PCNX1: variants seen among roughly 807,000 people sequenced by gnomAD.
PCNX1 encodes pecanex 1.
PCNX1 carries 78 observed loss-of-function variants against 242.2 expected under a neutral mutation model. That is an observed-to-expected ratio of 0.32 (90% confidence interval 0.27 to 0.39). PCNX1 has a LOEUF of 0.39. Ranked by LOEUF, PCNX1 falls within the 10% of genes least tolerant of loss-of-function variation. The pLI is 1.00. For missense variants in PCNX1, 2,581 were observed against 2,856.5 expected (o/e 0.90, Z 2.20); for synonymous variants, 1,024 against 1,032.9 (o/e 0.99, Z 0.17).
In PCNX1 at chr14:71,011,525, A is replaced by G; in HGVS notation, c.2754A>G (p.Ser918=). The part of the protein sequence containing the change: ...DTDSHVSSST[S]VRFYPHDVLS... ...ATTCTCATGTATCCAGTTCTACCTC[A>G]GTTCGATTTTATCCACATGATGTGG... The change falls in exon 10 of 36, where the codon TCA becomes TCG. Residue 918 remains serine, a synonymous_variant. Coordinates refer to ENST00000304743, the MANE Select transcript of PCNX1 (RefSeq NM_014982.3). 1 of 1,571,670 alleles carries G rather than the reference A, an allele frequency of 6.4e-7. No individual in the cohort carries two copies. Among genetic ancestry groups the G allele is most frequent in the Non-Finnish European group, 8.7e-7 (1 of 1,143,608 alleles).
intron 1 of PCNX1, among the ~76,000 whole-genome samples, chr14:70,946,118 A>G (rs1462328660): frequency 6.6e-6 from 1 of 152,134 alleles, no homozygotes. Context: ...TGGCTGACTT[A>G]TTTTATTTAA....
At chr14:71,084,166 T>A (rs765233157) in intron 28 of PCNX1, among the ~76,000 whole-genome samples, 2 of 152,208 alleles carry the variant, frequency 1.3e-5, no homozygotes, top group Non-Finnish European at 2.9e-5. Context: ...TGCCTGGGTA[T>A]CACCAGTGGA....
intron 22 of PCNX1, 96 bp from the exon 23 acceptor site, chr14:71,050,556 C>T: frequency 1.8e-6 from 2 of 1,095,530 alleles, no homozygotes; most frequent in Non-Finnish European, 2.5e-6. Flanking sequence ...ATTAGGAGAA[C>T]TTCTCCTAAT....
chr14:70,946,296 A>G (rs536631699), intron 1 of PCNX1, among the ~76,000 whole-genome samples: 5 of 152,348 alleles, frequency 3.3e-5, no homozygotes, highest in African/African-American at 7.2e-5. Context: ...CATTCTCATG[A>G]CAGTTTTAAC....
At chr14:71,070,748 T>TA (rs1357407554) in intron 26 of PCNX1, among the ~76,000 whole-genome samples, 3 of 152,196 alleles carry the variant, frequency 2.0e-5, no homozygotes, top group African/African-American at 7.2e-5. Flanking sequence ...GCATAATTCT[T>TA]AAAGGTTCTA....
At chr14:70,994,431 GTA>G (rs2059283518) in intron 7 of PCNX1, among the ~76,000 whole-genome samples, 1 of 66,568 alleles carries the variant, frequency 1.5e-5, no homozygotes, top group Non-Finnish European at 3.3e-5. Context: ...ATATATATAT[GTA>G]TGTATGTATG....
At position 71,076,112 on chromosome 14, in the gene PCNX1, T is replaced by C; in HGVS notation, c.5107-77T>C. 4 of 869,560 alleles carry C rather than the reference T, an allele frequency of 4.6e-6. No individual in the cohort carries two copies. The East Asian group carries it at 1.0e-4, about 22-fold the overall frequency. 53.9% of individuals were successfully genotyped at this position (869,560 alleles called of 1,614,324 possible). ...TTTATCATTATAAATAATTGGAATTTATTTCATTGAGTAATCTGAGTTAAT... is the reference window on the plus strand; with the variant it reads ...TTTATCATTATAAATAATTGGAATTCATTTCATTGAGTAATCTGAGTTAAT... On this transcript the variant is annotated intron_variant, in intron 27 of 35. Coordinates refer to ENST00000304743, the MANE Select transcript of PCNX1 (RefSeq NM_014982.3).
intron 1 of PCNX1, among the ~76,000 whole-genome samples, chr14:70,945,673 CT>C (rs201576782): frequency 7.0e-4 from 102 of 146,068 alleles, no homozygotes; most frequent in East Asian, 1.2e-3. Context: ...TTGAGGTTAA[CT>C]TTTTTTTTTT....
chr14:70,984,052 T>C (rs2140194930), intron 6 of PCNX1, among the ~76,000 whole-genome samples: 1 of 151,600 alleles, frequency 6.6e-6, no homozygotes, highest in East Asian at 1.9e-4. Flanking sequence ...TTCAGAATGT[T>C]TGCAGATGCC....
At chr14:70,922,579 T>C (rs185807526) in intron 1 of PCNX1, among the ~76,000 whole-genome samples, 92 of 152,222 alleles carry the variant, frequency 6.0e-4, no homozygotes, top group Admixed American at 4.8e-3. Context: ...TTCCTCTTGG[T>C]AGTGTATATA....
chr14:71,007,399 T>C (rs146942113), intron 8 of PCNX1, among the ~76,000 whole-genome samples: 1 of 152,192 alleles, frequency 6.6e-6, no homozygotes, highest in East Asian at 1.9e-4. Flanking sequence ...AGAACAGAAC[T>C]TATATATTAA....
At chr14:70,985,924 CTATT>C (rs1177738304) in intron 6 of PCNX1, among the ~76,000 whole-genome samples, 1 of 151,212 alleles carries the variant, frequency 6.6e-6, no homozygotes, top group Non-Finnish European at 1.5e-5. Flanking sequence ...TTTTGGTTCA[CTATT>C]TTTCTTCTAT....
chr14:71,041,751 T>A (rs1392386004), intron 19 of PCNX1, among the ~76,000 whole-genome samples: 1 of 151,838 alleles, frequency 6.6e-6, no homozygotes, highest in Non-Finnish European at 1.5e-5. Context: ...TTTGAACTCT[T>A]TCTACTTTTT....
In PCNX1 at chr14:70,947,068, A is replaced by G. The variant is rs1046904226; in HGVS notation, c.307A>G (p.Thr103Ala). ...TGCAAATGAGTTCACGGATCAGCGAACCAAAGCTGAACAAGGCAACTGTTC... is the reference window on the plus strand; with the variant it reads ...TGCAAATGAGTTCACGGATCAGCGAGCCAAAGCTGAACAAGGCAACTGTTC... ...RTANEFTDQR[T>A]KAEQGNCSTR... The change falls in exon 2 of 36, where the codon ACC (threonine) becomes GCC (alanine). Residue 103 changes from threonine (T) to alanine (A), a missense_variant. Transcript: ENST00000304743. The G allele has an allele frequency of 8.7e-6, 14 of 1,613,604 alleles. No individual in the cohort carries two copies. Among genetic ancestry groups the G allele is most frequent in the Non-Finnish European group, 1.1e-5 (13 of 1,179,820 alleles).
intron 28 of PCNX1, among the ~76,000 whole-genome samples, chr14:71,087,394 G>A (rs1052478089): frequency 1.3e-5 from 2 of 152,126 alleles, no homozygotes; most frequent in Non-Finnish European, 2.9e-5. Context: ...CCTATCAATA[G>A]TAAGTTAATA....
At chr14:71,106,401 T>C (rs1048142587) in intron 33 of PCNX1, among the ~76,000 whole-genome samples, 1 of 152,238 alleles carries the variant, frequency 6.6e-6, no homozygotes. Context: ...GTTTTTCTTC[T>C]AACAATGTTG....
At position 70,962,339 on chromosome 14, in the gene PCNX1, C is replaced by T. The variant is rs1257786311; in HGVS notation, c.468+8C>T. ...CTAGATCCAAGCAACCAGGTAGGAACCTGCGCTGTTTTATTTTGCCTTTTT... is the reference window on the plus strand; with the variant it reads ...CTAGATCCAAGCAACCAGGTAGGAATCTGCGCTGTTTTATTTTGCCTTTTT... On this transcript the variant is annotated splice_region_variant and intron_variant, in intron 3 of 35. Transcript: ENST00000304743. 6.5e-7 allele frequency: 1 copy of T among 1,549,836 alleles called. No homozygotes were observed. Among genetic ancestry groups the T allele is most frequent in the East Asian group, 2.2e-5 (1 of 44,568 alleles).
At chr14:71,105,886 G>C (rs893058683) in intron 33 of PCNX1, among the ~76,000 whole-genome samples, 9 of 146,474 alleles carry the variant, frequency 6.1e-5, no homozygotes, top group Non-Finnish European at 1.0e-4. Context: ...TATTCCATTT[G>C]TTCATATTAT....
At chr14:71,016,701 C>T (rs2059970365) in intron 11 of PCNX1, among the ~76,000 whole-genome samples, 1 of 152,242 alleles carries the variant, frequency 6.6e-6, no homozygotes, top group South Asian at 2.1e-4. Context: ...CACACCATAT[C>T]TGAATTTTGG....
Sources: gnomAD v4.1 joint callset for allele counts (sites outside exome capture counted in the v4.1 genomes callset) on GRCh38, gnomAD v4.1.1 for gene constraint, MANE v1.5 for transcripts, NCBI Gene and HGNC (gene_info 2026-07-23, HGNC 2026-07-21) for gene names.